The following EFCAB6 variants were observed in gnomAD, a reference collection of about 807,000 sequenced individuals.
EFCAB6 encodes the protein EF-hand calcium binding domain 6.
Under a neutral mutation model 169.8 loss-of-function variants are expected in EFCAB6, and 156 were observed. That is an observed-to-expected ratio of 0.92 (90% confidence interval 0.81 to 1.05). The LOEUF is 1.05. EFCAB6 is among the 50% of genes least tolerant of loss of function. The probability of loss-of-function intolerance (pLI) is 0.00; values close to 1 mark genes in which losing one functional copy is unlikely to be tolerated. For synonymous variants in EFCAB6, 698 were observed against 676.4 expected, an observed-to-expected ratio of 1.03 and a Z score of -0.50; for missense variants, 1,800 against 1,829.1, an observed-to-expected ratio of 0.98 and a Z score of 0.29.
chr22:43,629,426 G>T (rs1459096023), intron 19 of EFCAB6, among the ~76,000 whole-genome samples: 1 of 152,170 alleles, frequency 6.6e-6, no homozygotes, highest in African/African-American at 2.4e-5. Context: ...GTGGTTGCGG[G>T]TGTCAGAACA....
Position 43,689,559 on chromosome 22 carries a change from A to G in EFCAB6, c.1032-1978T>C, listed in dbSNP as rs565913312. On this transcript the variant is annotated intron_variant, in intron 10 of 31. Transcript: ENST00000262726. ...AATCCAAAACCCATCAACAGCGCTC[A>G]TGAAAGCAAACACCTTTGAACGCTT... 2.0e-5 allele frequency among the ~76,000 whole-genome samples: 3 copies of G among 152,304 alleles called. No homozygotes were observed. In the South Asian group the frequency reaches 6.2e-4, roughly 32 times the overall value.
chr22:43,782,418 G>C, intron 2 of EFCAB6, 93 bp from the exon 3 acceptor site: 1 of 1,066,336 alleles, frequency 9.4e-7, no homozygotes, highest in East Asian at 2.4e-5. Context: ...TGAAGGGACA[G>C]CTGCAGAGTG....
intron 27 of EFCAB6, 118 bp downstream of exon 27, chr22:43,554,751 C>G (rs2048596990): frequency 9.1e-6 from 8 of 876,702 alleles, no homozygotes; most frequent in Non-Finnish European, 5.3e-6. Flanking sequence ...AACAAAATAA[C>G]AAAACTGCAA....
chr22:43,563,522 G>A (rs2049212528), intron 26 of EFCAB6, among the ~76,000 whole-genome samples: 2 of 152,140 alleles, frequency 1.3e-5, no homozygotes, highest in African/African-American at 4.8e-5. Flanking sequence ...GCCTGATCTT[G>A]CCACTGCACT....
intron 2 of EFCAB6, among the ~76,000 whole-genome samples, chr22:43,793,315 C>T (rs2062378640): frequency 6.6e-6 from 1 of 152,140 alleles, no homozygotes. Flanking sequence ...CTACCAACTG[C>T]GGGATCATAA....
intron 8 of EFCAB6, among the ~76,000 whole-genome samples, chr22:43,721,933 GA>G (rs2059542993): frequency 6.6e-6 from 1 of 152,060 alleles, no homozygotes; most frequent in Non-Finnish European, 1.5e-5. Flanking sequence ...CACAGCAAAA[GA>G]AACTATCAAT....
intron 5 of EFCAB6, among the ~76,000 whole-genome samples, chr22:43,758,301 G>T (rs1008027285): frequency 2.6e-5 from 4 of 151,974 alleles, no homozygotes; most frequent in Non-Finnish European, 4.4e-5. Flanking sequence ...TTCTCTATTT[G>T]TAGTATCTGT....
At chr22:43,631,673 C>T (rs568135928) in intron 19 of EFCAB6, among the ~76,000 whole-genome samples, 11 of 152,024 alleles carry the variant, frequency 7.2e-5, no homozygotes, top group Non-Finnish European at 7.3e-5. Flanking sequence ...TGGGATTAGA[C>T]CGAGCTCCCT....
intron 2 of EFCAB6, among the ~76,000 whole-genome samples, chr22:43,784,226 C>T (rs1408117921): frequency 6.6e-6 from 1 of 151,978 alleles, no homozygotes; most frequent in African/African-American, 2.4e-5. Context: ...CCCCACCAAC[C>T]TAGAATTCCA....
At chr22:43,745,595 A>C (rs1480279926) in intron 6 of EFCAB6, among the ~76,000 whole-genome samples, 1 of 152,198 alleles carries the variant, frequency 6.6e-6, no homozygotes, top group Non-Finnish European at 1.5e-5. Flanking sequence ...GCTCAGCAGC[A>C]AGCGGAAGAG....
chr22:43,698,986 G>A (rs2058674523), intron 10 of EFCAB6, among the ~76,000 whole-genome samples: 1 of 152,166 alleles, frequency 6.6e-6, no homozygotes, highest in Non-Finnish European at 1.5e-5. Flanking sequence ...GGCATAACAG[G>A]ATTGACATCT....
chr22:43,746,115 C>T (rs1047836719), intron 6 of EFCAB6, among the ~76,000 whole-genome samples: 5 of 152,122 alleles, frequency 3.3e-5, no homozygotes, highest in African/African-American at 7.2e-5. Flanking sequence ...ACTTCCAATC[C>T]GGGGACAAGC....
Position 43,540,241 on chromosome 22 carries a change from C to A in EFCAB6, c.3765G>T (p.Ser1255=). 5 of 1,614,208 alleles carry A rather than the reference C, an allele frequency of 3.1e-6. No individual in the cohort carries two copies. The highest frequency in any genetic ancestry group is 4.2e-6 in the Non-Finnish European group (5 of 1,180,044). The change falls in exon 28 of 32, where the codon TCG becomes TCT. Residue 1255 remains serine (S), a synonymous_variant. Transcript: ENST00000262726. The part of the protein sequence containing the change: ...TAATPMATGD[S]AVAQRGSSVP... The stretch of plus-strand genomic sequence containing the variant: ...CACTGCTCCCTCTCTGGGCCACGGC[C>A]GAGTCACCAGTGGCCATTGGTGTGG...
chr22:43,784,714 C>T (rs1340986371), intron 2 of EFCAB6, among the ~76,000 whole-genome samples: 6 of 131,108 alleles, frequency 4.6e-5, no homozygotes, highest in African/African-American at 1.4e-4. Flanking sequence ...CACACACACA[C>T]ACACATATAT....
At chr22:43,756,437 C>T (rs918628916) in intron 5 of EFCAB6, among the ~76,000 whole-genome samples, 1 of 152,188 alleles carries the variant, frequency 6.6e-6, no homozygotes, top group Non-Finnish European at 1.5e-5. Flanking sequence ...GTTCCATCTG[C>T]TTGTCCCTAT....
At chr22:43,662,702 A>C (rs2057064215) in intron 17 of EFCAB6, among the ~76,000 whole-genome samples, 1 of 152,036 alleles carries the variant, frequency 6.6e-6, no homozygotes, top group African/African-American at 2.4e-5. Flanking sequence ...TTCTCACTAA[A>C]CTCTGAGGCC....
At chr22:43,684,727 C>A (rs1172683600) in intron 11 of EFCAB6, among the ~76,000 whole-genome samples, 1 of 152,226 alleles carries the variant, frequency 6.6e-6, no homozygotes, top group Non-Finnish European at 1.5e-5. Context: ...TGAGTCTAAG[C>A]TCCTCACATG....
intron 22 of EFCAB6, among the ~76,000 whole-genome samples, chr22:43,602,535 C>T (rs1433239236): frequency 6.6e-6 from 1 of 152,072 alleles, no homozygotes; most frequent in African/African-American, 2.4e-5. Context: ...TAGGGTGATC[C>T]CAGGGCCATG....
rs1474024453 is a variant in EFCAB6, at chr22:43,744,449, G to C, written c.508-8456C>G. ...ACAGCAGAGCAAGGCAGAAGCAGCA[G>C]ATGAAAGCAGCCTGAACACCTATTT... On this transcript the variant is annotated intron_variant, in intron 6 of 31. Transcript: ENST00000262726. This position sits in a 1 kb window ranked among gnomAD's most constrained non-coding sequence, Gnocchi z 4.3. Among the ~76,000 whole-genome samples the C allele has an allele frequency of 6.6e-6, 1 of 152,226 alleles. No individual in the cohort carries two copies. Among genetic ancestry groups the C allele is most frequent in the African/African-American group, 2.4e-5 (1 of 41,454 alleles).
Sources: gnomAD v4.1 joint callset for allele counts (sites outside exome capture counted in the v4.1 genomes callset) on GRCh38, gnomAD v4.1.1 for gene constraint, Gnocchi (gnomAD v3.1) non-coding constraint, MANE v1.5 for transcripts, NCBI Gene and HGNC (gene_info 2026-07-23, HGNC 2026-07-21) for gene names.